The following DEAF1 variants were observed in gnomAD, a reference collection of about 807,000 sequenced individuals.
The protein encoded by DEAF1 is deformed epidermal autoregulatory factor 1 homolog.
A neutral mutation model predicts 58.9 loss-of-function variants in DEAF1; 53 were observed. The ratio of observed to expected loss-of-function variants is 0.90; its 90% confidence interval spans 0.72 to 1.13. The LOEUF (loss-of-function observed/expected upper bound fraction) is 1.13. Ranked by LOEUF, DEAF1 falls within the 50% of genes most tolerant of loss-of-function variation. The pLI is 0.00. For synonymous variants in DEAF1, 385 were observed against 340.4 expected (o/e 1.13, Z -1.44); for missense variants, 685 against 791.4 (o/e 0.87, Z 1.61).
At chr11:687,807 A>G in intron 4 of DEAF1, 104 bp downstream of exon 4, 12 of 1,509,492 alleles carry the variant, frequency 7.9e-6, no homozygotes, top group Non-Finnish European at 1.1e-5. Context: ...TGTCTTCTTA[A>G]CTAGTTCTAG....
chr11:676,463 C>T (rs1390015160), intron 9 of DEAF1, among the ~76,000 whole-genome samples: 1 of 150,838 alleles, frequency 6.6e-6, no homozygotes, highest in Non-Finnish European at 1.5e-5. Flanking sequence ...CATCTGAATG[C>T]GGCTGCTGGA....
rs544495534 is a variant in DEAF1 at position 662,768 on chromosome 11, A to G, written c.1504-8717T>C. ...GGTGCTGTACCATGATGGCACCACA[A>G]TGGTCCAAGTGACCACCACCTTTGC... On this transcript the variant is annotated intron_variant, in intron 10 of 11. Transcript: ENST00000382409. Among the ~76,000 whole-genome samples the G allele has an allele frequency of 1.8e-3, 281 of 152,264 alleles. 3 individuals are homozygous for G. Among genetic ancestry groups the G allele is most frequent in the Admixed American group, 2.3e-3 (35 of 15,294 alleles).
Position 704,514 on chromosome 11 carries a change from TC to T in DEAF1, c.-438+2057del, listed in dbSNP as rs774036493. 37 of 1,289,396 alleles carry T rather than the reference TC, an allele frequency of 2.9e-5. No homozygotes were observed. The South Asian group carries it at 4.6e-4, about 16-fold the overall frequency. 79.9% of individuals were successfully genotyped at this position (1,289,396 alleles called of 1,614,324 possible). On this transcript the variant is annotated intron_variant, in intron 1 of 11. Coordinates refer to the DEAF1 transcript ENST00000683307. ...CAGCGCCTGAGCGCCTCGGGCCACCTCCCTCACCAGCGCCTGCACTCGCAGA... is the reference window on the plus strand; with the variant it reads ...CAGCGCCTGAGCGCCTCGGGCCACCTCCTCACCAGCGCCTGCACTCGCAGA...
chr11:675,949 C>A (rs1156265502), intron 9 of DEAF1, among the ~76,000 whole-genome samples: 1 of 98,682 alleles, frequency 1.0e-5, no homozygotes, highest in Non-Finnish European at 2.0e-5. Flanking sequence ...CATCCCCCAG[C>A]ACGCAGCCTG....
At chr11:650,028 C>G (rs28717055) in intron 11 of DEAF1, among the ~76,000 whole-genome samples, 2 of 40,628 alleles carry the variant, frequency 4.9e-5, no homozygotes, top group Admixed American at 3.3e-4. Flanking sequence ...GTCTAAAAAA[C>G]AAAAACAAAA....
chr11:666,881 A>T (rs1859555812), intron 10 of DEAF1, among the ~76,000 whole-genome samples: 1 of 145,668 alleles, frequency 6.9e-6, no homozygotes, highest in Non-Finnish European at 1.5e-5. Context: ...TCCAAAAAAA[A>T]AAAAAAAAAA....
At chr11:679,922 G>A in intron 7 of DEAF1, 106 bp from the exon 8 acceptor site, 2 of 1,482,976 alleles carry the variant, frequency 1.3e-6, no homozygotes, top group East Asian at 2.4e-5. Context: ...TGGGCTGAAG[G>A]GCGGGCAGTG....
chr11:678,918 A>T, intron 8 of DEAF1, 96 bp from the exon 9 acceptor site: 1 of 1,528,272 alleles, frequency 6.5e-7, no homozygotes, highest in South Asian at 1.2e-5. Flanking sequence ...CAGTACACAT[A>T]GTAGCTTATG....
intron 11 of DEAF1, among the ~76,000 whole-genome samples, chr11:650,650 G>A (rs1452354502): frequency 6.6e-6 from 1 of 150,698 alleles, no homozygotes; most frequent in Non-Finnish European, 1.5e-5. Context: ...CAGCCAAAAA[G>A]GTTTTTTTTA....
intron 6 of DEAF1, among the ~76,000 whole-genome samples, chr11:682,476 G>A (rs1172779282): frequency 1.3e-5 from 2 of 152,124 alleles, no homozygotes; most frequent in Non-Finnish European, 2.9e-5. Flanking sequence ...TTCTTTTCCA[G>A]GGCACTTTTA....
upstream of DEAF1, among the ~76,000 whole-genome samples, chr11:696,474 C>T (rs1861167518): frequency 6.6e-6 from 1 of 152,176 alleles, no homozygotes; most frequent in African/African-American, 2.4e-5. Context: ...TGTGTATTTT[C>T]ATTTGGTTAA....
upstream of DEAF1, chr11:698,871 A>G (rs751659452): frequency 1.9e-6 from 3 of 1,614,046 alleles, no homozygotes; most frequent in East Asian, 4.5e-5. Flanking sequence ...TCTTTCAGGG[A>G]GAGGATCCTC....
At chr11:650,422 T>A (rs1858714020) in intron 11 of DEAF1, among the ~76,000 whole-genome samples, 1 of 144,766 alleles carries the variant, frequency 6.9e-6, no homozygotes, top group African/African-American at 2.6e-5. Context: ...CAGACTAGAT[T>A]AAAACCTAAG....
intron 9 of DEAF1, among the ~76,000 whole-genome samples, chr11:676,376 C>T (rs888476214): frequency 2.1e-5 from 3 of 144,236 alleles, no homozygotes; most frequent in Non-Finnish European, 3.0e-5. Context: ...AGCCTGACAT[C>T]CCCCCAGCAG....
rs145296616 is a variant in DEAF1 at position 646,915 on chromosome 11, C to T, written c.1594-2261G>A. Among the ~76,000 whole-genome samples, 908 of 152,110 alleles carry T rather than the reference C, an allele frequency of 6.0e-3. 5 individuals are homozygous for T. Among genetic ancestry groups the T allele is most frequent in the South Asian group, 0.042 (201 of 4,828 alleles). On this transcript the variant is annotated intron_variant, in intron 11 of 11. Coordinates refer to ENST00000382409, the MANE Select transcript of DEAF1 (RefSeq NM_021008.4). ...TCACAGACTGTAAAAACAATGACTT[C>T]GGGAGGTTGAGGTCACTTGAGGTCA...
intron 1 of DEAF1, among the ~76,000 whole-genome samples, chr11:701,619 C>T (rs1479486297): frequency 6.6e-6 from 1 of 151,832 alleles, no homozygotes; most frequent in Non-Finnish European, 1.5e-5. Flanking sequence ...CCATGTTAGC[C>T]AGGATGGTTT....
rs186822209 is a variant in DEAF1, at chr11:659,032, C to T, written c.1504-4981G>A. Among the ~76,000 whole-genome samples, 697 of 152,286 alleles carry T rather than the reference C, an allele frequency of 4.6e-3. 5 individuals are homozygous for T. The highest frequency in any genetic ancestry group is 0.016 in the African/African-American group (663 of 41,550). On this transcript the variant is annotated intron_variant, in intron 10 of 11. Transcript: ENST00000382409. ...ATATAAAATGCCTATTAATTTCTAA[C>T]TATCAAAGAATAAGTTAATAATGTA...
intron 6 of DEAF1, among the ~76,000 whole-genome samples, chr11:681,407 CTTTCTTT>C (rs1159452318): frequency 9.3e-6 from 1 of 107,252 alleles, no homozygotes; most frequent in Admixed American, 1.4e-4. Context: ...AATTTTCTTT[CTTTCTTT>C]TTTTTTTTTT....
chr11:646,717 A>G (rs1038836918), intron 11 of DEAF1: 2 of 152,202 alleles, frequency 1.3e-5, no homozygotes, highest in Non-Finnish European at 2.9e-5. Context: ...TTAAACATCA[A>G]TGTGATGCTT....
Sources: allele counts gnomAD v4.1 joint callset (sites outside exome capture counted in the v4.1 genomes callset), GRCh38; gene constraint gnomAD v4.1.1; transcripts MANE v1.5; gene names NCBI Gene and HGNC (gene_info 2026-07-23, HGNC 2026-07-21).